The following DNAH11 variants were observed in gnomAD, a reference collection of about 807,000 sequenced individuals.
The protein encoded by DNAH11 is axonemal beta dynein heavy chain 11.
In DNAH11, 442 loss-of-function variants were observed where a neutral mutation model predicts 526.0. The ratio of observed to expected loss-of-function variants is 0.84; its 90% CI spans 0.78 to 0.91. The LOEUF (loss-of-function observed/expected upper bound fraction) is 0.91, where lower values mean the gene tolerates loss of function less well. DNAH11 is among the 40% of genes least tolerant of loss of function. The pLI, the probability that DNAH11 is intolerant of heterozygous loss-of-function variation, is 0.00. For missense variants in DNAH11, 6,989 were observed against 5,448.7 expected (o/e 1.28, Z -8.90); for synonymous variants, 2,461 against 1,935.9 (o/e 1.27, Z -7.12).
chr7:21,720,002 G>A (rs751376209), intron 43 of DNAH11, among the ~76,000 whole-genome samples: 13 of 152,198 alleles, frequency 8.5e-5, no homozygotes, highest in African/African-American at 3.1e-4. Flanking sequence ...CATTGCTGGC[G>A]CAACTGCCCT....
chr7:21,668,894 A>G (rs568229851), intron 30 of DNAH11, among the ~76,000 whole-genome samples: 2 of 152,322 alleles, frequency 1.3e-5, no homozygotes, highest in Admixed American at 1.3e-4. Flanking sequence ...ACGTTTAACC[A>G]TTTAAGAAAC....
chr7:21,673,884 A>G (rs1402915081), intron 30 of DNAH11, among the ~76,000 whole-genome samples: 1 of 151,298 alleles, frequency 6.6e-6, no homozygotes, highest in East Asian at 1.9e-4. Flanking sequence ...ACTTCTTCAC[A>G]TACTCTGTTC....
At chr7:21,873,775 A>C (rs978055263) in intron 74 of DNAH11, among the ~76,000 whole-genome samples, 2 of 110,680 alleles carry the variant, frequency 1.8e-5, no homozygotes, top group African/African-American at 6.7e-5. Context: ...TAACTTCTTG[A>C]GGAGGTTGCT....
At chr7:21,562,261 A>T (rs1783491109) in intron 5 of DNAH11, among the ~76,000 whole-genome samples, 1 of 152,216 alleles carries the variant, frequency 6.6e-6, no homozygotes, top group Non-Finnish European at 1.5e-5. Context: ...ATTTAGCAGT[A>T]TCTCTGGCCT....
intron 69 of DNAH11, among the ~76,000 whole-genome samples, chr7:21,863,807 A>C (rs531909115): frequency 2.6e-5 from 4 of 152,336 alleles, no homozygotes; most frequent in South Asian, 4.1e-4. Flanking sequence ...AAAAAATAAT[A>C]TCTAATAAAA....
intron 30 of DNAH11, among the ~76,000 whole-genome samples, chr7:21,674,028 T>G (rs1159086537): frequency 7.3e-6 from 1 of 137,252 alleles, no homozygotes; most frequent in African/African-American, 2.6e-5. Flanking sequence ...CTGTTTTGTT[T>G]TGTGTGTGTG....
chr7:21,851,305 C>T (rs1782624828), intron 66 of DNAH11: 3 of 255,676 alleles, frequency 1.2e-5, no homozygotes, highest in African/African-American at 2.2e-5. Flanking sequence ...ATGTTTGCTT[C>T]CCTTCCACCA....
chr7:21,561,538 G>A (rs556819673), intron 5 of DNAH11: 6 of 163,392 alleles, frequency 3.7e-5, no homozygotes, highest in African/African-American at 1.2e-4. Flanking sequence ...TTCTCTGAGT[G>A]TGCTTGGTAA....
At chr7:21,861,737 T>G (rs1783070608) in intron 68 of DNAH11, 116 bp from the exon 69 acceptor site, 4 of 1,046,500 alleles carry the variant, frequency 3.8e-6, no homozygotes, top group African/African-American at 3.3e-5. Flanking sequence ...TCCTAAAAAT[T>G]TTGCCTCATT....
Position 21,842,625 on chromosome 7 carries a change from C to G in DNAH11, c.10773C>G (p.His3591Gln). The change falls in exon 66 of 82, where the codon CAC (histidine) becomes CAG (glutamine). Residue 3591 changes from histidine to glutamine, a missense_variant. Coordinates refer to ENST00000409508, the MANE Select transcript of DNAH11 (RefSeq NM_001277115.2). ...TTCACACAAAATTGGCAAATCCTCACTATAAGCCGGAATTACAAGCTCAGA... is the reference window on the plus strand; with the variant it reads ...TTCACACAAAATTGGCAAATCCTCAGTATAAGCCGGAATTACAAGCTCAGA... ...LILHTKLANP[H>Q]YKPELQAQTT... 6.2e-7 allele frequency: 1 copy of G among 1,613,978 alleles called. No individual in the cohort carries two copies. The highest frequency in any genetic ancestry group is 8.5e-7 in the Non-Finnish European group (1 of 1,179,886).
intron 25 of DNAH11, among the ~76,000 whole-genome samples, chr7:21,633,560 G>C (rs1375663728): frequency 2.0e-5 from 3 of 151,988 alleles, no homozygotes; most frequent in African/African-American, 7.3e-5. Flanking sequence ...CTTTTTCCTA[G>C]TTCTAATACT....
chr7:21,721,552 G>A (rs1028434288), intron 44 of DNAH11, among the ~76,000 whole-genome samples: 1 of 152,160 alleles, frequency 6.6e-6, no homozygotes, highest in Non-Finnish European at 1.5e-5. Context: ...TTCCAGCAAG[G>A]ACTCTCTTCC....
intron 62 of DNAH11, among the ~76,000 whole-genome samples, chr7:21,802,890 TGA>T (rs1237570839): frequency 1.3e-5 from 2 of 151,130 alleles, no homozygotes; most frequent in Non-Finnish European, 2.9e-5. Context: ...CTCTTTGGGG[TGA>T]GAGAAATGTA....
intron 23 of DNAH11, among the ~76,000 whole-genome samples, 156 bp downstream of exon 23, chr7:21,617,933 C>T (rs570104686): frequency 2.8e-3 from 430 of 152,298 alleles, no homozygotes; most frequent in Non-Finnish European, 5.1e-3. Flanking sequence ...TAGAAAAAGT[C>T]GCCTGATCCG....
At chr7:21,774,776 A>C (rs1320833236) in intron 56 of DNAH11, among the ~76,000 whole-genome samples, 1 of 152,124 alleles carries the variant, frequency 6.6e-6, no homozygotes, top group Non-Finnish European at 1.5e-5. Flanking sequence ...AAGAGATTGG[A>C]ATGAGAGACT....
At chr7:21,884,717 C>G (rs1433195373) in intron 76 of DNAH11, among the ~76,000 whole-genome samples, 1 of 152,166 alleles carries the variant, frequency 6.6e-6, no homozygotes, top group Non-Finnish European at 1.5e-5. Flanking sequence ...AGAGCTGACG[C>G]TGTTATTCCC....
intron 79 of DNAH11, among the ~76,000 whole-genome samples, chr7:21,896,479 A>G (rs186918146): frequency 7.9e-4 from 121 of 152,344 alleles, no homozygotes; most frequent in African/African-American, 2.8e-3. Context: ...CTTCCCAAGT[A>G]AAGTTTTAAA....
chr7:21,609,325 C>T (rs1158759877), intron 20 of DNAH11, among the ~76,000 whole-genome samples: 1 of 152,158 alleles, frequency 6.6e-6, no homozygotes. Flanking sequence ...AAGCAATTCT[C>T]CTGCCTCAAC....
chr7:21,564,370 A>G lies in DNAH11; in HGVS notation c.1167A>G (p.Gln389=). 2 of 1,613,120 alleles carry G rather than the reference A, an allele frequency of 1.2e-6. No homozygotes were observed. The highest frequency in any genetic ancestry group is 1.7e-6 in the Non-Finnish European group (2 of 1,179,594). Residue 389 remains glutamine, a synonymous_variant, in exon 6 of 82, where the codon CAA becomes CAG. Coordinates refer to ENST00000409508, the MANE Select transcript of DNAH11 (RefSeq NM_001277115.2). ...NTPARVIVLL[Q]EFCNLFINQA... ...CAGCTCGGGTTATAGTTTTATTGCA[A>G]GAGTTTTGTAATCTCTTCATTAACC... is the stretch of plus-strand genomic sequence containing the variant.
Sources: gnomAD v4.1 joint callset for allele counts (sites outside exome capture counted in the v4.1 genomes callset) on GRCh38, gnomAD v4.1.1 for gene constraint, MANE v1.5 for transcripts, NCBI Gene and HGNC (gene_info 2026-07-23, HGNC 2026-07-21) for gene names.